Variants in CNGB1 observed in about 807,000 individuals in gnomAD.
CNGB1 encodes the protein cyclic nucleotide-gated channel beta-1.
Under a neutral mutation model 151.7 loss-of-function variants are expected in CNGB1, and 126 were observed. The ratio of observed to expected loss-of-function variants is 0.83; its 90% CI spans 0.72 to 0.96. The LOEUF (loss-of-function observed/expected upper bound fraction) is 0.96. CNGB1 is among the 40% of genes least tolerant of loss of function. The pLI, the probability that CNGB1 is intolerant of heterozygous loss-of-function variation, is 0.00. For synonymous variants in CNGB1, 623 were observed against 635.1 expected (o/e 0.98, Z 0.29); for missense variants, 1,698 against 1,627.0 (o/e 1.04, Z -0.75).
At chr16:57,925,479 G>A (rs1021965334) in intron 17 of CNGB1, among the ~76,000 whole-genome samples, 1 of 152,186 alleles carries the variant, frequency 6.6e-6, no homozygotes, top group Non-Finnish European at 1.5e-5. Flanking sequence ...ATGCAAGTTG[G>A]GAGTGGTAGG....
At chr16:57,954,481 A>G (rs1962035050) in intron 12 of CNGB1, among the ~76,000 whole-genome samples, 1 of 152,044 alleles carries the variant, frequency 6.6e-6, no homozygotes, top group Non-Finnish European at 1.5e-5. Flanking sequence ...TAATTTTTAA[A>G]ATCACTCCAT....
chr16:57,892,004 C>T lies in CNGB1; in HGVS notation c.3243-3930G>A, dbSNP rs571170330. ...ACTTCTTGTGCTTAGGAACATGAGA[C>T]GGCACTTCAGCACTATGCTGGGGGG... On this transcript the variant is annotated intron_variant, in intron 31 of 32. Transcript: ENST00000251102. 5.3e-5 allele frequency among the ~76,000 whole-genome samples: 8 copies of T among 150,176 alleles called. No homozygotes were observed. The South Asian group carries it at 8.3e-4, about 16-fold the overall frequency.
chr16:57,910,447 TCA>T (rs1960677801), intron 25 of CNGB1, among the ~76,000 whole-genome samples: 1 of 152,162 alleles, frequency 6.6e-6, no homozygotes, highest in Non-Finnish European at 1.5e-5. Context: ...CAATTTCATC[TCA>T]CCACAACCTC....
intron 25 of CNGB1, 35 bp downstream of exon 25, chr16:57,911,718 C>G: frequency 6.2e-7 from 1 of 1,612,928 alleles, no homozygotes; most frequent in Non-Finnish European, 8.5e-7. Flanking sequence ...GGAAGGTCAC[C>G]CAGGCATGGC....
At chr16:57,905,913 T>A (rs1567370933) in intron 25 of CNGB1, among the ~76,000 whole-genome samples, 3 of 152,200 alleles carry the variant, frequency 2.0e-5, no homozygotes, top group Admixed American at 6.5e-5. Context: ...AGTTACCCAG[T>A]CTCATGTATT....
chr16:57,932,047 G>A (rs911694336), intron 16 of CNGB1, among the ~76,000 whole-genome samples, 169 bp from the exon 17 acceptor site: 11 of 152,150 alleles, frequency 7.2e-5, no homozygotes, highest in Non-Finnish European at 1.3e-4. Context: ...GTACAGGAAC[G>A]TGGTGCCTGG....
intron 1 of CNGB1, among the ~76,000 whole-genome samples, chr16:57,969,685 T>C (rs1400264110): frequency 3.3e-5 from 5 of 152,260 alleles, no homozygotes; most frequent in African/African-American, 7.2e-5. Flanking sequence ...GGTAAGACTT[T>C]TTTCATGATA....
chr16:57,964,621 T>A, intron 2 of CNGB1, 77 bp from the exon 3 acceptor site: 3 of 1,399,504 alleles, frequency 2.1e-6, no homozygotes, highest in Non-Finnish European at 3.0e-6. Flanking sequence ...TGATTCTCCC[T>A]CAAGGGATCC....
chr16:57,893,019 C>T (rs1960136422), intron 31 of CNGB1, among the ~76,000 whole-genome samples: 1 of 152,100 alleles, frequency 6.6e-6, no homozygotes, highest in African/African-American at 2.4e-5. Context: ...CTCCTGTGTC[C>T]CCAGAACTCA....
intron 15 of CNGB1, 60 bp downstream of exon 15, chr16:57,940,174 C>T: frequency 6.8e-7 from 1 of 1,466,166 alleles, no homozygotes; most frequent in Non-Finnish European, 9.3e-7. Context: ...ACAAGGTCCC[C>T]ATCCTTCCAC....
At chr16:57,932,539 A>G (rs1359871580) in intron 16 of CNGB1, among the ~76,000 whole-genome samples, 1 of 150,360 alleles carries the variant, frequency 6.7e-6, no homozygotes, top group African/African-American at 2.5e-5. Context: ...AGTAGCTGGG[A>G]CTACAGGCTC....
chr16:57,964,278 T>G (rs1597016253), intron 3 of CNGB1, 76 bp from the exon 4 acceptor site: 1 of 1,522,206 alleles, frequency 6.6e-7, no homozygotes, highest in Non-Finnish European at 9.1e-7. Flanking sequence ...GGAGATCAAG[T>G]CAGGGGAGAG....
chr16:57,966,957 G>T (rs1300061406), intron 2 of CNGB1, among the ~76,000 whole-genome samples, 171 bp downstream of exon 2: 2 of 152,154 alleles, frequency 1.3e-5, no homozygotes, highest in Non-Finnish European at 2.9e-5. Flanking sequence ...CCTACCCACT[G>T]TCTGAACCTG....
intron 16 of CNGB1, among the ~76,000 whole-genome samples, chr16:57,932,455 T>C (rs1416364939): frequency 6.7e-6 from 1 of 148,276 alleles, no homozygotes; most frequent in Non-Finnish European, 1.5e-5. Flanking sequence ...CAGGCTGGAG[T>C]GCAGTGGTGC....
rs753054874 is a variant in CNGB1 at position 57,931,897 on chromosome 16, A to G, written c.1373-19T>C. The G allele has an allele frequency of 1.9e-6, 3 of 1,613,500 alleles. No individual in the cohort carries two copies. Among genetic ancestry groups the G allele is most frequent in the Non-Finnish European group, 2.5e-6 (3 of 1,179,932 alleles). ...GCAGGCACTGGGGGAGAGGAAGGAG[A>G]GGAGAAAGTCAGAGAGAGACAAAAG... On this transcript the variant is annotated intron_variant, in intron 16 of 32. Transcript: ENST00000251102.
In CNGB1 at chr16:57,888,562, T is replaced by C. The variant is rs138678410; in HGVS notation, c.3243-488A>G. On this transcript the variant is annotated intron_variant, in intron 31 of 32. Coordinates refer to ENST00000251102, the MANE Select transcript of CNGB1 (RefSeq NM_001297.5). ...TGGCTTACTGCAGCCTTGACCTCCA[T>C]GGCTCAAGCAATCCTCCCACCTGAG... Among the ~76,000 whole-genome samples the C allele has an allele frequency of 8.8e-3, 1,332 of 152,150 alleles. 17 individuals are homozygous for C. The highest frequency in any genetic ancestry group is 0.031 in the African/African-American group (1,280 of 41,494).
At chr16:57,885,778 A>G (rs183978695) in intron 32 of CNGB1, among the ~76,000 whole-genome samples, 8 of 152,100 alleles carry the variant, frequency 5.3e-5, no homozygotes, top group East Asian at 1.9e-4. Context: ...TATCTTTAGT[A>G]GAGATGGGGT....
chr16:57,907,978 T>C (rs1960601966), intron 25 of CNGB1, among the ~76,000 whole-genome samples: 1 of 152,196 alleles, frequency 6.6e-6, no homozygotes, highest in African/African-American at 2.4e-5. Flanking sequence ...AACCTCCACC[T>C]CCTGGGTTCC....
At chr16:57,962,332 A>C (rs1962277760) in intron 7 of CNGB1, among the ~76,000 whole-genome samples, 1 of 152,012 alleles carries the variant, frequency 6.6e-6, no homozygotes, top group Non-Finnish European at 1.5e-5. Context: ...GGGTGGCCCC[A>C]CCCAGGGACC....
Sources: allele counts gnomAD v4.1 joint callset (sites outside exome capture counted in the v4.1 genomes callset), GRCh38; gene constraint gnomAD v4.1.1; transcripts MANE v1.5; gene names NCBI Gene and HGNC (gene_info 2026-07-23, HGNC 2026-07-21).